RGS7: variants seen among roughly 807,000 people sequenced by gnomAD.
RGS7 encodes the protein regulator of G protein signaling 7, also known as regulator of G-protein signaling 7.
In RGS7, 27 loss-of-function variants were observed where a neutral mutation model predicts 81.1. That is an observed-to-expected ratio of 0.33 (90% CI 0.25 to 0.46). The LOEUF (loss-of-function observed/expected upper bound fraction) is 0.46. Among genes scored for constraint, RGS7 ranks in the 20% least tolerant of loss-of-function variants. The pLI, the probability that RGS7 is intolerant of heterozygous loss-of-function variation, is 1.00. For synonymous variants in RGS7, 208 were observed against 207.7 expected (o/e 1.00, Z -0.01); for missense variants, 396 against 607.4 (o/e 0.65, Z 3.66).
chr1:241,269,769 G>A (rs995351248), intron 2 of RGS7, among the ~76,000 whole-genome samples: 10 of 152,152 alleles, frequency 6.6e-5, no homozygotes, highest in African/African-American at 2.2e-4. Context: ...TTCTCAATTC[G>A]ATGTATTGGT....
At chr1:241,122,246 T>G (rs2066327443) in intron 2 of RGS7, among the ~76,000 whole-genome samples, 1 of 152,202 alleles carries the variant, frequency 6.6e-6, no homozygotes, top group South Asian at 2.1e-4. Flanking sequence ...TACCTATACC[T>G]TCTATTTAGC....
At chr1:241,190,037 A>C (rs933888772) in intron 2 of RGS7, among the ~76,000 whole-genome samples, 3 of 152,044 alleles carry the variant, frequency 2.0e-5, no homozygotes. Context: ...TGGGAGGCGG[A>C]GCTTGCAGTG....
In RGS7 at chr1:241,106,968, C is replaced by T. The variant is rs141974668; in HGVS notation, c.79-8206G>A. Reference sequence around the variant, plus strand: ...ATAACCTCCACTGAAAATAAATAAACAGATAAATAAACAATTATGCTCACT... The same window carrying T: ...ATAACCTCCACTGAAAATAAATAAATAGATAAATAAACAATTATGCTCACT... On this transcript the variant is annotated intron_variant, in intron 2 of 18. Transcript: ENST00000440928. Among the ~76,000 whole-genome samples, 42 of 150,860 alleles carry T rather than the reference C, an allele frequency of 2.8e-4. No homozygotes were observed. The East Asian group carries it at 4.5e-3, about 16-fold the overall frequency.
Position 241,137,659 on chromosome 1 carries a change from G to A in RGS7, c.79-38897C>T, listed in dbSNP as rs545506990. On this transcript the variant is annotated intron_variant, in intron 2 of 18. Coordinates refer to ENST00000440928, the MANE Select transcript of RGS7 (RefSeq NM_001364886.1). ...GGAGCTGGCACACACCTGCTCAAAG[G>A]AGCTGATCCTTAAATTTTCAGGAAT... Among the ~76,000 whole-genome samples the A allele has an allele frequency of 7.4e-4, 112 of 152,274 alleles. 1 individual carries two copies. The highest frequency in any genetic ancestry group is 4.3e-4 in the Non-Finnish European group (29 of 68,022).
chr1:241,281,080 C>A (rs578110134), intron 2 of RGS7, among the ~76,000 whole-genome samples: 158 of 152,040 alleles, frequency 1.0e-3, no homozygotes, highest in African/African-American at 3.7e-3. Context: ...TTAGGTATGC[C>A]ATAAATGCAT....
intron 2 of RGS7, among the ~76,000 whole-genome samples, chr1:241,310,418 TGAGA>T (rs112595879): frequency 6.6e-6 from 1 of 151,086 alleles, no homozygotes; most frequent in African/African-American, 2.4e-5. Context: ...TCTGTGTGTG[TGAGA>T]GTGTATGTGT....
At chr1:240,793,001 GC>G (rs1159933389) in intron 18 of RGS7, among the ~76,000 whole-genome samples, 2 of 152,088 alleles carry the variant, frequency 1.3e-5, no homozygotes, top group African/African-American at 2.4e-5. Context: ...TCTGGCTGAA[GC>G]CTCATAGCTA....
intron 2 of RGS7, among the ~76,000 whole-genome samples, chr1:241,275,840 C>T (rs2078165707): frequency 6.6e-6 from 1 of 152,178 alleles, no homozygotes; most frequent in African/African-American, 2.4e-5. Context: ...AGAGATACAG[C>T]AACCAAAGAA....
intron 11 of RGS7, 83 bp from the exon 12 acceptor site, chr1:240,814,860 T>C (rs1423583497): frequency 1.3e-5 from 11 of 879,894 alleles, no homozygotes. Context: ...AGCTGGGCAA[T>C]TCTGAACAAG....
intron 2 of RGS7, among the ~76,000 whole-genome samples, chr1:241,166,488 A>C (rs532864224): frequency 3.1e-4 from 47 of 152,332 alleles, no homozygotes; most frequent in African/African-American, 1.1e-3. Context: ...TTATGATTTC[A>C]GAAGGGAGGG....
At chr1:240,812,528 G>A (rs1234425054) in intron 13 of RGS7, among the ~76,000 whole-genome samples, 6 of 149,824 alleles carry the variant, frequency 4.0e-5, no homozygotes, top group South Asian at 2.1e-4. Flanking sequence ...TCCACCTCCC[G>A]GGTTCAAGAG....
chr1:240,828,271 C>T (rs12410838), intron 9 of RGS7, among the ~76,000 whole-genome samples: 132,141 of 152,116 alleles, frequency 0.87, 57,620 homozygotes, highest in African/African-American at 0.93. Context: ...GATGCAAGCT[C>T]CTTGTATATT....
At chr1:240,819,688 A>T (rs1691438424) in intron 10 of RGS7, among the ~76,000 whole-genome samples, 2 of 152,246 alleles carry the variant, frequency 1.3e-5, no homozygotes, top group African/African-American at 4.8e-5. Flanking sequence ...CAGTGAGCCA[A>T]GATCGCACCA....
At chr1:240,820,456 C>CG (rs1691566255) in intron 10 of RGS7, among the ~76,000 whole-genome samples, 1 of 151,304 alleles carries the variant, frequency 6.6e-6, no homozygotes. Context: ...AAAATTATCC[C>CG]GTTTTTTTTT....
At chr1:241,221,976 T>G (rs2075045314) in intron 2 of RGS7, among the ~76,000 whole-genome samples, 1 of 152,184 alleles carries the variant, frequency 6.6e-6, no homozygotes, top group Non-Finnish European at 1.5e-5. Flanking sequence ...GACATACCCG[T>G]ATTCTATTGG....
intron 3 of RGS7, among the ~76,000 whole-genome samples, chr1:241,067,598 C>T (rs2062143746): frequency 6.6e-6 from 1 of 151,678 alleles, no homozygotes; most frequent in Non-Finnish European, 1.5e-5. Flanking sequence ...CGGCTCACTG[C>T]AACCTCTGCC....
intron 2 of RGS7, among the ~76,000 whole-genome samples, chr1:241,296,109 AT>A (rs1216558200): frequency 1.3e-5 from 2 of 152,148 alleles, no homozygotes; most frequent in African/African-American, 4.8e-5. Flanking sequence ...TTTGGGAATT[AT>A]CTGTATAGAC....
intron 2 of RGS7, among the ~76,000 whole-genome samples, chr1:241,302,204 G>C (rs879840982): frequency 2.0e-5 from 3 of 152,214 alleles, no homozygotes; most frequent in Non-Finnish European, 4.4e-5. Context: ...ACAGCAGGAG[G>C]GTGAGTGGAA....
intron 2 of RGS7, among the ~76,000 whole-genome samples, chr1:241,300,419 T>G (rs2079682601): frequency 6.6e-6 from 1 of 152,196 alleles, no homozygotes; most frequent in Admixed American, 6.5e-5. Context: ...TTCCATCTAT[T>G]TATCCCTCCC....
Sources: gnomAD v4.1 joint callset for allele counts (sites outside exome capture counted in the v4.1 genomes callset) on GRCh38, gnomAD v4.1.1 for gene constraint, MANE v1.5 for transcripts, NCBI Gene and HGNC (gene_info 2026-07-23, HGNC 2026-07-21) for gene names.